DLG2: variants seen among roughly 807,000 people sequenced by gnomAD.
The protein encoded by DLG2 is discs large MAGUK scaffold protein 2.
A neutral mutation model predicts 132.5 loss-of-function variants in DLG2; 45 were observed. That is an observed-to-expected ratio of 0.34 (90% CI 0.27 to 0.44). DLG2 has a LOEUF of 0.44. DLG2 is among the 20% of genes least tolerant of loss of function. The pLI, the probability that DLG2 is intolerant of heterozygous loss-of-function variation, is 1.00. For missense variants in DLG2, 1,045 were observed against 1,196.9 expected (o/e 0.87, Z 1.87); for synonymous variants, 424 against 419.6 (o/e 1.01, Z -0.13).
intron 17 of DLG2, among the ~76,000 whole-genome samples, chr11:83,804,048 C>A (rs1232557465): frequency 6.6e-6 from 1 of 152,010 alleles, no homozygotes; most frequent in Non-Finnish European, 1.5e-5. Flanking sequence ...TTGACTTATT[C>A]CTCATCTAAA....
At chr11:83,734,252 C>A (rs961752712) in intron 18 of DLG2, among the ~76,000 whole-genome samples, 1 of 152,110 alleles carries the variant, frequency 6.6e-6, no homozygotes, top group African/African-American at 2.4e-5. Flanking sequence ...ATCTGAGTAA[C>A]CTTCTTTAAA....
intron 6 of DLG2, among the ~76,000 whole-genome samples, chr11:84,911,309 A>G (rs537676214): frequency 4.9e-4 from 74 of 152,068 alleles, no homozygotes; most frequent in African/African-American, 1.7e-3. Context: ...TTTAATTCAT[A>G]ATTGTACTGT....
chr11:84,206,908 A>T (rs553838561), intron 8 of DLG2, among the ~76,000 whole-genome samples: 8 of 152,140 alleles, frequency 5.3e-5, no homozygotes, highest in African/African-American at 1.9e-4. Context: ...AAATTAGGTT[A>T]ATAAGGGAAT....
intron 3 of DLG2, among the ~76,000 whole-genome samples, chr11:85,393,069 T>C (rs894723257): frequency 1.1e-4 from 17 of 151,928 alleles, no homozygotes; most frequent in Non-Finnish European, 2.5e-4. Flanking sequence ...ATCTTCACAG[T>C]CTATACATCC....
rs188800689 is a variant in DLG2, at chr11:85,153,490, A to G, written c.282+1066T>C. On this transcript the variant is annotated intron_variant, in intron 5 of 27. Transcript: ENST00000376104. ...ATCATTTCTCTATAAGCTGATTACA[A>G]TTTTCATTGTTTCTCACTAGGACTC... Among the ~76,000 whole-genome samples, 4 of 152,206 alleles carry G rather than the reference A, an allele frequency of 2.6e-5. No individual in the cohort carries two copies. The East Asian group carries it at 7.7e-4, about 29-fold the overall frequency.
At chr11:84,391,058 T>C (rs547997348) in intron 7 of DLG2, among the ~76,000 whole-genome samples, 2 of 152,256 alleles carry the variant, frequency 1.3e-5, no homozygotes, top group East Asian at 3.9e-4. Context: ...CCATCCTACC[T>C]ACACACAAGG....
In DLG2 at chr11:83,483,462, T is replaced by G. The variant is rs540182159; in HGVS notation, c.2293+667A>C. ...TTTTAAAAAAACTTTCACCCCAAACTCCTTGAGCTGAGATTCAAGAAGGAA... is the reference window on the plus strand; with the variant it reads ...TTTTAAAAAAACTTTCACCCCAAACGCCTTGAGCTGAGATTCAAGAAGGAA... On this transcript the variant is annotated intron_variant, in intron 22 of 27. Transcript: ENST00000376104. 5.9e-5 allele frequency among the ~76,000 whole-genome samples: 9 copies of G among 152,042 alleles called. No individual in the cohort carries two copies. The South Asian group carries it at 1.9e-3, about 32-fold the overall frequency.
At chr11:85,398,494 G>T (rs1446615817) in intron 3 of DLG2, among the ~76,000 whole-genome samples, 1 of 151,968 alleles carries the variant, frequency 6.6e-6, no homozygotes, top group Non-Finnish European at 1.5e-5. Flanking sequence ...CCAGGAGCTG[G>T]ATTTTTGAAA....
intron 6 of DLG2, among the ~76,000 whole-genome samples, chr11:84,830,628 G>A (rs1440860597): frequency 6.6e-6 from 1 of 151,340 alleles, no homozygotes; most frequent in Non-Finnish European, 1.5e-5. Flanking sequence ...CATTAAACTG[G>A]GTCAGGAGGA....
chr11:83,966,873 C>G (rs2090318159), intron 12 of DLG2, among the ~76,000 whole-genome samples: 1 of 151,978 alleles, frequency 6.6e-6, no homozygotes, highest in Non-Finnish European at 1.5e-5. Flanking sequence ...TACTTTTTAT[C>G]CTTTCATCTG....
At chr11:84,338,173 G>A (rs7951287) in intron 7 of DLG2, among the ~76,000 whole-genome samples, 20,343 of 151,946 alleles carry the variant, frequency 0.13, 1,470 homozygotes, top group Non-Finnish European at 0.16. Context: ...TGTACAGTTC[G>A]AAGCCAGCAC....
chr11:84,747,825 T>C (rs1018509880), intron 6 of DLG2, among the ~76,000 whole-genome samples: 8 of 152,304 alleles, frequency 5.3e-5, no homozygotes, highest in Middle Eastern at 6.8e-3. Context: ...AGGTTTTTGA[T>C]TGAACACATG....
At chr11:85,436,617 A>G (rs2091494123) in intron 3 of DLG2, among the ~76,000 whole-genome samples, 2 of 152,238 alleles carry the variant, frequency 1.3e-5, no homozygotes, top group South Asian at 4.1e-4. Flanking sequence ...ATACTATCTC[A>G]TCCCAGTCAG....
intron 8 of DLG2, among the ~76,000 whole-genome samples, chr11:84,242,268 C>T (rs772244983): frequency 1.4e-4 from 22 of 152,164 alleles, no homozygotes; most frequent in Non-Finnish European, 2.4e-4. Context: ...AGTCAACAAA[C>T]TGCCCTCTGC....
intron 3 of DLG2, among the ~76,000 whole-genome samples, chr11:85,531,601 G>A (rs2153192454): frequency 6.6e-6 from 1 of 152,276 alleles, no homozygotes; most frequent in East Asian, 1.9e-4. Context: ...GAGAAGGCTA[G>A]AAGGAAAAGA....
At chr11:84,782,203 C>T (rs373943928) in intron 6 of DLG2, among the ~76,000 whole-genome samples, 4 of 151,984 alleles carry the variant, frequency 2.6e-5, no homozygotes, top group Admixed American at 2.0e-4. Context: ...AGATACTATC[C>T]GGGGTGGATT....
intron 11 of DLG2, among the ~76,000 whole-genome samples, chr11:84,058,099 G>A (rs548336738): frequency 9.2e-5 from 14 of 151,924 alleles, no homozygotes; most frequent in Non-Finnish European, 2.9e-5. Flanking sequence ...TCAGTCCTGA[G>A]ATCTTAAATA....
chr11:84,614,352 G>A (rs943675477), intron 6 of DLG2, among the ~76,000 whole-genome samples: 5 of 152,242 alleles, frequency 3.3e-5, no homozygotes, highest in Middle Eastern at 3.4e-3. Context: ...TAAGCCAACA[G>A]AAGAAACCGT....
At chr11:83,539,847 T>C (rs2096008330) in intron 20 of DLG2, among the ~76,000 whole-genome samples, 1 of 152,178 alleles carries the variant, frequency 6.6e-6, no homozygotes, top group South Asian at 2.1e-4. Context: ...TGGAAAATTA[T>C]TCAGGAGGAA....
Sources: gnomAD v4.1 joint callset for allele counts (sites outside exome capture counted in the v4.1 genomes callset) on GRCh38, gnomAD v4.1.1 for gene constraint, MANE v1.5 for transcripts, NCBI Gene and HGNC (gene_info 2026-07-23, HGNC 2026-07-21) for gene names.